The following TMEM132B variants were observed in gnomAD, a reference collection of about 807,000 sequenced individuals.
TMEM132B encodes the protein transmembrane protein 132B.
In TMEM132B, 18 loss-of-function variants were observed where a neutral mutation model predicts 90.8. The observed-to-expected ratio is 0.20, with a 90% CI of 0.14 to 0.29. The LOEUF (loss-of-function observed/expected upper bound fraction) is 0.29, where lower values mean the gene tolerates loss of function less well. Among genes scored for constraint, TMEM132B ranks in the 10% least tolerant of loss-of-function variants. The pLI, the probability that TMEM132B is intolerant of heterozygous loss-of-function variation, is 1.00. For synonymous variants in TMEM132B, 504 were observed against 523.3 expected, an observed-to-expected ratio of 0.96 and a Z score of 0.50; for missense variants, 1,096 against 1,326.8, an observed-to-expected ratio of 0.83 and a Z score of 2.70.
At chr12:125,603,564 C>T (rs1312669226) in intron 5 of TMEM132B, among the ~76,000 whole-genome samples, 7 of 152,104 alleles carry the variant, frequency 4.6e-5, no homozygotes, top group Admixed American at 3.3e-4. Context: ...GATGAAAACA[C>T]CAAAAGCAAT....
intron 1 of TMEM132B, among the ~76,000 whole-genome samples, chr12:125,192,186 GA>G (rs1050418606): frequency 6.6e-6 from 1 of 152,188 alleles, no homozygotes; most frequent in Admixed American, 6.5e-5. Flanking sequence ...ATGGGGTAGG[GA>G]CTTCTGTTTG....
At chr12:125,584,400 T>A (rs1885130784) in intron 5 of TMEM132B, 1 of 179,016 alleles carries the variant, frequency 5.6e-6, no homozygotes, top group African/African-American at 2.4e-5. Context: ...TTTCTTTAAA[T>A]GCCTTGCTTC....
rs189513095 is a variant in TMEM132B at position 125,401,211 on chromosome 12, C to T, written c.960-14320C>T. On this transcript the variant is annotated intron_variant, in intron 2 of 8. Coordinates refer to ENST00000682704, the MANE Select transcript of TMEM132B (RefSeq NM_001366854.1). ...AGACGGATGACACCTTAGATAAAGA[C>T]CCTTCATTCGACCAATATTGATTAA... 4.6e-5 allele frequency among the ~76,000 whole-genome samples: 7 copies of T among 152,286 alleles called. No homozygotes were observed. The East Asian group carries it at 1.3e-3, about 29-fold the overall frequency.
rs180761795 is a variant in TMEM132B, at chr12:125,339,805, G to A, written c.68-9647G>A. Reference sequence around the variant, plus strand: ...ATAAAAATATTTGCACCCCCCAATGGCCTTATTTTAGCTATATTGCCTCTT... The same window carrying A: ...ATAAAAATATTTGCACCCCCCAATGACCTTATTTTAGCTATATTGCCTCTT... On this transcript the variant is annotated intron_variant, in intron 1 of 8. Coordinates refer to ENST00000682704, the MANE Select transcript of TMEM132B (RefSeq NM_001366854.1). Among the ~76,000 whole-genome samples the A allele has an allele frequency of 6.6e-5, 10 of 152,182 alleles. No individual in the cohort carries two copies. In the East Asian group the frequency reaches 1.2e-3, roughly 18 times the overall value.
At chr12:125,320,467 C>G (rs1876398745) in intron 1 of TMEM132B, among the ~76,000 whole-genome samples, 1 of 152,182 alleles carries the variant, frequency 6.6e-6, no homozygotes, top group African/African-American at 2.4e-5. Context: ...GGCTTTGAAA[C>G]AGTCAGCTTT....
intron 4 of TMEM132B, among the ~76,000 whole-genome samples, chr12:125,533,142 T>TC (rs1461888254): frequency 4.6e-5 from 7 of 152,028 alleles, no homozygotes; most frequent in Non-Finnish European, 8.8e-5. Flanking sequence ...TTCAACACAG[T>TC]CCCCCTTACC....
At chr12:125,258,173 A>C (rs1874482367) in intron 1 of TMEM132B, among the ~76,000 whole-genome samples, 2 of 152,242 alleles carry the variant, frequency 1.3e-5, no homozygotes, top group Non-Finnish European at 2.9e-5. Context: ...TGGAGAAGGC[A>C]GACAAATGAG....
At chr12:125,379,928 G>T (rs1195470495) in intron 2 of TMEM132B, among the ~76,000 whole-genome samples, 1 of 151,630 alleles carries the variant, frequency 6.6e-6, no homozygotes, top group African/African-American at 2.4e-5. Flanking sequence ...TTACATTCAG[G>T]GTAGATCTGT....
At chr12:125,217,137 T>C (rs775778862) in intron 1 of TMEM132B, among the ~76,000 whole-genome samples, 3 of 152,234 alleles carry the variant, frequency 2.0e-5, no homozygotes, top group Non-Finnish European at 4.4e-5. Context: ...TTAAAAGTTA[T>C]GGTGATTAAT....
At chr12:125,472,728 G>T (rs1021439475) in intron 3 of TMEM132B, among the ~76,000 whole-genome samples, 3 of 152,154 alleles carry the variant, frequency 2.0e-5, no homozygotes. Flanking sequence ...CTTCTGCCAT[G>T]TAAGGAGGCA....
At chr12:125,385,683 A>G (rs1305878940) in intron 2 of TMEM132B, among the ~76,000 whole-genome samples, 1 of 152,254 alleles carries the variant, frequency 6.6e-6, no homozygotes, top group Admixed American at 6.5e-5. Flanking sequence ...AACTAAAAGA[A>G]ACATAATCAA....
At chr12:125,515,721 CTCACACACAT>C (rs1462058498) in intron 3 of TMEM132B, among the ~76,000 whole-genome samples, 14 of 152,024 alleles carry the variant, frequency 9.2e-5, no homozygotes, top group Admixed American at 5.9e-4. Context: ...TTCACACGTT[CTCACACACAT>C]TCACACACAT....
chr12:125,460,994 C>T lies in TMEM132B; in HGVS notation c.1106+45317C>T, dbSNP rs558563395. On this transcript the variant is annotated intron_variant, in intron 3 of 8. Coordinates refer to ENST00000682704, the MANE Select transcript of TMEM132B (RefSeq NM_001366854.1). This position sits in a 1 kb window ranked among gnomAD's most constrained non-coding sequence, Gnocchi z 4.4. ...TCATTAATGAAACAAAGGAAAGGTG[C>T]GTGGCTCTCCCCAGTGGGATAATCT... Among the ~76,000 whole-genome samples the T allele has an allele frequency of 7.7e-4, 117 of 152,312 alleles. No homozygotes were observed. Among genetic ancestry groups the T allele is most frequent in the African/African-American group, 2.7e-3 (112 of 41,560 alleles).
Position 125,429,172 on chromosome 12 carries a change from A to G in TMEM132B, c.1106+13495A>G, listed in dbSNP as rs778890269. On this transcript the variant is annotated intron_variant, in intron 3 of 8. Transcript: ENST00000682704. ...TTAACTAGAGTCCATAGTTTATTCA[A>G]ATTTCCTTAATTTTTTCCTAGTGTC... Among the ~76,000 whole-genome samples the G allele has an allele frequency of 2.8e-4, 43 of 151,826 alleles. No homozygotes were observed. In the Middle Eastern group the frequency reaches 0.014, roughly 48 times the overall value.
chr12:125,255,087 G>C (rs979367133), intron 1 of TMEM132B, among the ~76,000 whole-genome samples: 3 of 152,184 alleles, frequency 2.0e-5, no homozygotes, highest in Non-Finnish European at 4.4e-5. Flanking sequence ...GGGAGCAGCT[G>C]AGGGAGGGTG....
intron 1 of TMEM132B, among the ~76,000 whole-genome samples, chr12:125,341,192 T>C (rs1233623723): frequency 6.6e-6 from 1 of 152,226 alleles, no homozygotes; most frequent in Admixed American, 6.5e-5. Context: ...CTAAACTGCC[T>C]GGGTCAAATT....
intron 3 of TMEM132B, among the ~76,000 whole-genome samples, chr12:125,507,210 T>C (rs1014471769): frequency 6.6e-6 from 1 of 152,220 alleles, no homozygotes; most frequent in Non-Finnish European, 1.5e-5. Flanking sequence ...GAAGTGTCTT[T>C]ACTTTGAGGT....
intron 1 of TMEM132B, among the ~76,000 whole-genome samples, chr12:125,343,087 C>T (rs565554106): frequency 6.6e-6 from 1 of 152,112 alleles, no homozygotes; most frequent in Non-Finnish European, 1.5e-5. Flanking sequence ...TAGGAGCAAA[C>T]TGGGAATTTA....
At chr12:125,652,383 G>C in intron 7 of TMEM132B, 58 bp from the exon 8 acceptor site, 1 of 1,471,590 alleles carries the variant, frequency 6.8e-7, no homozygotes, top group Non-Finnish European at 9.1e-7. Context: ...CCCCAGTTAA[G>C]GGATTCATGG....
Sources: allele counts gnomAD v4.1 joint callset (sites outside exome capture counted in the v4.1 genomes callset), GRCh38; gene constraint gnomAD v4.1.1; non-coding constraint Gnocchi (gnomAD v3.1); transcripts MANE v1.5; gene names NCBI Gene and HGNC (gene_info 2026-07-23, HGNC 2026-07-21).